The following PRXL2C variants were observed in gnomAD, a reference collection of about 807,000 sequenced individuals.
PRXL2C encodes peroxiredoxin like 2C, also known as peroxiredoxin-like 2C.
Under a neutral mutation model 24.9 loss-of-function variants are expected in PRXL2C, and 38 were observed. The observed-to-expected ratio is 1.53, with a 90% CI of 1.18 to 2.00. The LOEUF is 2.00. Ranked by LOEUF, PRXL2C falls within the 30% of genes most tolerant of loss-of-function variation. The pLI, the probability that PRXL2C is intolerant of heterozygous loss-of-function variation, is 0.00. For synonymous variants in PRXL2C, 98 were observed against 117.2 expected, an observed-to-expected ratio of 0.84 and a Z score of 1.06; for missense variants, 294 against 290.9, an observed-to-expected ratio of 1.01 and a Z score of -0.08.
chr9:96,655,033 G>A, intron 1 of PRXL2C, 57 bp downstream of exon 1: 2 of 1,430,498 alleles, frequency 1.4e-6, no homozygotes, highest in Non-Finnish European at 9.1e-7. Flanking sequence ...CTCGCATCCC[G>A]GCAGCCTGCC....
intron 2 of PRXL2C, among the ~76,000 whole-genome samples, chr9:96,653,704 TTATA>T: frequency 1.3e-5 from 2 of 152,262 alleles, no homozygotes; most frequent in Admixed American, 1.3e-4. Flanking sequence ...ACACATACAA[TTATA>T]TATGTCAATT....
Position 96,651,382 on chromosome 9 carries a change from T to C in PRXL2C, c.421+8A>G. 2 of 1,582,664 alleles carry C rather than the reference T, an allele frequency of 1.3e-6. No individual in the cohort carries two copies. The highest frequency in any genetic ancestry group is 1.7e-6 in the Non-Finnish European group (2 of 1,155,102). On this transcript the variant is annotated splice_region_variant and intron_variant, in intron 4 of 5. Coordinates refer to ENST00000375234, the MANE Select transcript of PRXL2C (RefSeq NM_153698.2). The stretch of plus-strand genomic sequence containing the variant: ...AGTGTTTTCTATTTGAGACATGTTA[T>C]GTCTTACCTGAGGAAGCAATTTCTT...
intron 2 of PRXL2C, 76 bp from the exon 3 acceptor site, chr9:96,651,788 C>G (rs1848270186): frequency 7.7e-7 from 1 of 1,294,670 alleles, no homozygotes; most frequent in African/African-American, 1.5e-5. Context: ...TAACCCAACT[C>G]TTATGTTTCA....
In PRXL2C at chr9:96,651,650, G is replaced by T. The variant is rs370331907; in HGVS notation, c.315+9C>A. ...TATTCATTAGTCTCCCAATGTACTAGATATTTACCTCAATATGATGGTAGG... is the reference window on the plus strand; with the variant it reads ...TATTCATTAGTCTCCCAATGTACTATATATTTACCTCAATATGATGGTAGG... On this transcript the variant is annotated intron_variant, in intron 3 of 5. Transcript: ENST00000375234. 2.2e-5 allele frequency: 36 copies of T among 1,603,700 alleles called. No individual in the cohort carries two copies. The highest frequency in any genetic ancestry group is 3.1e-5 in the Non-Finnish European group (36 of 1,172,636).
intron 2 of PRXL2C, among the ~76,000 whole-genome samples, chr9:96,652,094 G>A (rs1231918364): frequency 6.6e-6 from 1 of 152,148 alleles, no homozygotes; most frequent in Non-Finnish European, 1.5e-5. Context: ...CACAGCCAAG[G>A]AAACAATCAA....
intron 1 of PRXL2C, 130 bp from the exon 2 acceptor site, chr9:96,654,903 C>G (rs1848330618): frequency 8.3e-7 from 1 of 1,198,266 alleles, no homozygotes; most frequent in South Asian, 1.8e-5. Context: ...GCGGCTCGGG[C>G]GCCCGGCGCG....
chr9:96,642,972 T>A (rs1588099551), intron 5 of PRXL2C, among the ~76,000 whole-genome samples: 1 of 151,830 alleles, frequency 6.6e-6, no homozygotes, highest in East Asian at 1.9e-4. Context: ...TGTACAGACA[T>A]TTTTTTTTCC....
At chr9:96,649,744 G>C (rs2119185487) in intron 4 of PRXL2C, among the ~76,000 whole-genome samples, 1 of 152,048 alleles carries the variant, frequency 6.6e-6, no homozygotes, top group African/African-American at 2.4e-5. Context: ...GGTTTGGCCA[G>C]CTCCAATCCC....
Position 96,641,402 on chromosome 9 carries a change from G to C in PRXL2C, c.*357C>G, listed in dbSNP as rs1848112058. 6.3e-6 allele frequency: 1 copy of C among 158,526 alleles called. No homozygotes were observed. Among genetic ancestry groups the C allele is most frequent in the Admixed American group, 6.4e-5 (1 of 15,522 alleles). 9.8% of individuals were successfully genotyped at this position (158,526 alleles called of 1,614,324 possible). ...TATAATGGTCTTGTGTTGTTCTCCT[G>C]TCCCCTTATATACTGTCAGAATTTA... On this transcript the variant is annotated 3_prime_UTR_variant, in exon 6 of 6. Coordinates refer to ENST00000375234, the MANE Select transcript of PRXL2C (RefSeq NM_153698.2).
chr9:96,644,881 CTTTTTT>C (rs530343244), intron 5 of PRXL2C, among the ~76,000 whole-genome samples: 43 of 36,656 alleles, frequency 1.2e-3, no homozygotes, highest in African/African-American at 2.3e-3. Context: ...TACATGGATT[CTTTTTT>C]TTTTTTTTTT....
chr9:96,642,391 T>C (rs1336122942), intron 5 of PRXL2C, among the ~76,000 whole-genome samples: 1 of 152,224 alleles, frequency 6.6e-6, no homozygotes, highest in African/African-American at 2.4e-5. Flanking sequence ...CAATCAGTTA[T>C]AATACACTTA....
At chr9:96,644,315 G>A (rs1486399876) in intron 5 of PRXL2C, among the ~76,000 whole-genome samples, 1 of 152,000 alleles carries the variant, frequency 6.6e-6, no homozygotes. Flanking sequence ...TGCAATGCTG[G>A]AACACAGTAG....
chr9:96,654,977 G>T (rs1455407900), intron 1 of PRXL2C, 113 bp downstream of exon 1: 2 of 1,302,910 alleles, frequency 1.5e-6, no homozygotes, highest in East Asian at 6.2e-5. Context: ...GGCCGCGACT[G>T]GGCAGGCTGC....
chr9:96,646,139 T>C, intron 4 of PRXL2C, 115 bp from the exon 5 acceptor site: 1 of 1,178,974 alleles, frequency 8.5e-7, no homozygotes, highest in East Asian at 2.7e-5. Context: ...TTTCTCAATC[T>C]TTTACCATCA....
At chr9:96,651,953 T>C (rs977762722) in intron 2 of PRXL2C, among the ~76,000 whole-genome samples, 1 of 152,178 alleles carries the variant, frequency 6.6e-6, no homozygotes, top group Non-Finnish European at 1.5e-5. Context: ...ACTATAAAAC[T>C]ACTAGAAGAA....
rs1848167843 is a variant in PRXL2C at position 96,644,766 on chromosome 9, C to A, written c.553+1127G>T. 2.6e-5 allele frequency among the ~76,000 whole-genome samples: 4 copies of A among 152,126 alleles called. No individual in the cohort carries two copies. In the South Asian group the frequency reaches 8.3e-4, roughly 32 times the overall value. ...AAATGCTGGGATTATAGGTGTGAGC[C>A]ACCATGCCCGGCCTCAATCCCAATC... On this transcript the variant is annotated intron_variant, in intron 5 of 5. Transcript: ENST00000375234.
At chr9:96,649,714 T>TG (rs1292006928) in intron 4 of PRXL2C, among the ~76,000 whole-genome samples, 1 of 152,004 alleles carries the variant, frequency 6.6e-6, no homozygotes, top group African/African-American at 2.4e-5. Flanking sequence ...TACAACCCTG[T>TG]CACAAATATC....
rs1588101312 is a variant in PRXL2C at position 96,646,085 on chromosome 9, A to G, written c.422-61T>C. ...ATATTCAATTTGATATTAAGAAGAT[A>G]ATGTATTTCTAGAAAACATTCTCTT... is the stretch of plus-strand genomic sequence containing the variant. On this transcript the variant is annotated intron_variant, in intron 4 of 5. Transcript: ENST00000375234. 1.6e-5 allele frequency: 23 copies of G among 1,477,168 alleles called. 1 individual carries two copies. In the East Asian group the frequency reaches 5.4e-4, roughly 35 times the overall value. The allele number at this position is 1,477,168 out of a possible 1,614,324, so 91.5% of individuals were successfully genotyped here. A position where few individuals can be genotyped will look rare whatever the true frequency, so the allele number is the denominator to read the frequency against.
chr9:96,653,209 A>G (rs1010814256), intron 2 of PRXL2C, among the ~76,000 whole-genome samples: 1 of 151,480 alleles, frequency 6.6e-6, no homozygotes, highest in African/African-American at 2.4e-5. Flanking sequence ...CCTGGGCGAT[A>G]GAGTGAGACT....
Sources: gnomAD v4.1 joint callset for allele counts (sites outside exome capture counted in the v4.1 genomes callset) on GRCh38, gnomAD v4.1.1 for gene constraint, MANE v1.5 for transcripts, NCBI Gene and HGNC (gene_info 2026-07-23, HGNC 2026-07-21) for gene names.